Variants in CLVS1 observed in about 807,000 individuals in gnomAD.
The protein encoded by CLVS1 is clavesin-1.
Under a neutral mutation model 33.1 loss-of-function variants are expected in CLVS1, and 10 were observed. The ratio of observed to expected loss-of-function variants is 0.30; its 90% CI spans 0.19 to 0.51. The LOEUF (loss-of-function observed/expected upper bound fraction) is 0.51. Ranked by LOEUF, CLVS1 falls within the 20% of genes least tolerant of loss-of-function variation. The probability of loss-of-function intolerance (pLI) is 0.97; values close to 1 mark genes in which losing one functional copy is unlikely to be tolerated. For missense variants in CLVS1, 343 were observed against 433.4 expected (o/e 0.79, Z 1.85); for synonymous variants, 163 against 166.1 (o/e 0.98, Z 0.14).
intron 2 of CLVS1, among the ~76,000 whole-genome samples, chr8:61,139,434 C>T (rs1242767921): frequency 4.6e-5 from 7 of 152,200 alleles, no homozygotes; most frequent in Admixed American, 3.9e-4. Context: ...TCTTATCTGC[C>T]GATGTCACCT....
the CLVS1 span, among the ~76,000 whole-genome samples, chr8:60,998,078 C>T: frequency 6.6e-6 from 1 of 152,144 alleles, no homozygotes; most frequent in South Asian, 2.1e-4. Flanking sequence ...CCCGTTGTCT[C>T]TCAGAAGAAA....
the CLVS1 span, among the ~76,000 whole-genome samples, chr8:61,027,244 A>G: frequency 6.6e-6 from 1 of 152,226 alleles, no homozygotes. Context: ...TGTCTTCCTG[A>G]TAAAAGCCAA....
At chr8:61,446,327 T>G (rs1356040547) in intron 3 of CLVS1, among the ~76,000 whole-genome samples, 10 of 152,230 alleles carry the variant, frequency 6.6e-5, no homozygotes, top group Admixed American at 6.5e-4. Flanking sequence ...GTGCCTTAGC[T>G]GTGTCCCACA....
At chr8:61,202,337 C>T (rs573742245) in intron 2 of CLVS1, 16 of 721,020 alleles carry the variant, frequency 2.2e-5, no homozygotes, top group East Asian at 1.0e-4. Flanking sequence ...TACCTAAGTG[C>T]GTGCTGCCTC....
intron 2 of CLVS1, among the ~76,000 whole-genome samples, chr8:61,149,571 A>AAAAAAAAAAAAAAAAAAAAAAAAAC (rs1252529979): frequency 6.7e-6 from 1 of 149,860 alleles, no homozygotes; most frequent in African/African-American, 2.5e-5. Context: ...AAAAAAAACA[A>AAAAAAAAAAAAAAAAAAAAAAAAAC]AAAACAAAAC....
chr8:61,033,330 C>A, the CLVS1 span, among the ~76,000 whole-genome samples: 23 of 117,208 alleles, frequency 2.0e-4, 7 homozygotes, highest in African/African-American at 6.4e-4. Context: ...TCTTTCCCCT[C>A]CTCCTGGGGT....
chr8:61,033,153 AAG>A, the CLVS1 span, among the ~76,000 whole-genome samples: 152 of 130,910 alleles, frequency 1.2e-3, 20 homozygotes, highest in Non-Finnish European at 1.4e-3. Flanking sequence ...GAAAGAAAGA[AAG>A]AAAGAAAAAG....
chr8:61,294,176 C>T (rs1212214054), intron 1 of CLVS1, among the ~76,000 whole-genome samples: 2 of 151,922 alleles, frequency 1.3e-5, no homozygotes, highest in African/African-American at 2.4e-5. Context: ...GTGAGGGCAC[C>T]GGTACTCAGA....
chr8:61,221,194 G>T (rs1808208651), intron 2 of CLVS1, among the ~76,000 whole-genome samples: 1 of 152,128 alleles, frequency 6.6e-6, no homozygotes, highest in Non-Finnish European at 1.5e-5. Context: ...TTGCCTGGTT[G>T]CCCTGGCCAG....
chr8:60,978,062 T>G, the CLVS1 span, among the ~76,000 whole-genome samples: 1 of 152,192 alleles, frequency 6.6e-6, no homozygotes, highest in Non-Finnish European at 1.5e-5. Context: ...AAACTATCTT[T>G]TAAGAATAAA....
intron 1 of CLVS1, among the ~76,000 whole-genome samples, chr8:61,059,477 T>TACATACATACATACATAC (rs1478607860): frequency 1.3e-5 from 1 of 76,554 alleles, no homozygotes; most frequent in Admixed American, 1.5e-4. Context: ...CATACATACA[T>TACATACATACATACATAC]ATATATATAT....
chr8:61,410,273 C>T (rs1815169669), intron 3 of CLVS1, among the ~76,000 whole-genome samples: 1 of 152,022 alleles, frequency 6.6e-6, no homozygotes, highest in South Asian at 2.1e-4. Flanking sequence ...AGGAGACTGC[C>T]TAGTCGTTCC....
At chr8:61,333,799 C>T (rs1336806223) in intron 2 of CLVS1, among the ~76,000 whole-genome samples, 1 of 152,088 alleles carries the variant, frequency 6.6e-6, no homozygotes, top group East Asian at 1.9e-4. Context: ...TTTCATCACC[C>T]AGGTATTAAG....
chr8:60,973,804 C>G, the CLVS1 span, among the ~76,000 whole-genome samples: 71 of 152,352 alleles, frequency 4.7e-4, no homozygotes, highest in South Asian at 3.3e-3. Flanking sequence ...TGAGATCTTA[C>G]TGGGAAGCTG....
At chr8:61,448,994 T>C (rs537413114) in intron 3 of CLVS1, among the ~76,000 whole-genome samples, 5 of 152,314 alleles carry the variant, frequency 3.3e-5, no homozygotes, top group African/African-American at 9.6e-5. Flanking sequence ...TTCTGTATTA[T>C]GTCCTGAAAC....
intron 1 of CLVS1, among the ~76,000 whole-genome samples, chr8:61,068,584 A>C (rs1172547504): frequency 6.6e-6 from 1 of 151,980 alleles, no homozygotes; most frequent in Non-Finnish European, 1.5e-5. Flanking sequence ...TGCTCCCCTC[A>C]TTCTCAGCAG....
chr8:61,317,687 C>G (rs1781664604), intron 2 of CLVS1, among the ~76,000 whole-genome samples: 1 of 152,118 alleles, frequency 6.6e-6, no homozygotes, highest in South Asian at 2.1e-4. Context: ...TTATCTATTT[C>G]TATATTTTAC....
chr8:61,200,554 C>T (rs1318271373), intron 2 of CLVS1, among the ~76,000 whole-genome samples: 1 of 152,232 alleles, frequency 6.6e-6, no homozygotes, highest in Non-Finnish European at 1.5e-5. Flanking sequence ...CTGCTGTGAA[C>T]ATCCATGGAC....
chr8:60,974,688 A>G, the CLVS1 span, among the ~76,000 whole-genome samples: 1 of 151,990 alleles, frequency 6.6e-6, no homozygotes, highest in Non-Finnish European at 1.5e-5. Flanking sequence ...TGCTCCAAAG[A>G]GAATGGCATG....
Sources: allele counts gnomAD v4.1 joint callset (sites outside exome capture counted in the v4.1 genomes callset), GRCh38; gene constraint gnomAD v4.1.1; transcripts MANE v1.5; gene names NCBI Gene and HGNC (gene_info 2026-07-23, HGNC 2026-07-21).